Variants in PDE8B observed in about 807,000 individuals in gnomAD.
The protein encoded by PDE8B is phosphodiesterase 8B, also known as high affinity cAMP-specific and IBMX-insensitive 3',5'-cyclic phosphodiesterase 8B.
In PDE8B, 26 loss-of-function variants were observed where a neutral mutation model predicts 101.3. That is an observed-to-expected ratio of 0.26 (90% confidence interval 0.19 to 0.36). The LOEUF (loss-of-function observed/expected upper bound fraction) is 0.36. PDE8B is among the 10% of genes least tolerant of loss of function. PDE8B has a pLI of 1.00. For missense variants in PDE8B, 810 were observed against 1,163.1 expected (o/e 0.70, Z 4.42); for synonymous variants, 424 against 429.3 (o/e 0.99, Z 0.15).
At chr5:77,421,449 A>T (rs915173823) in intron 19 of PDE8B, among the ~76,000 whole-genome samples, 29 of 152,228 alleles carry the variant, frequency 1.9e-4, no homozygotes, top group Admixed American at 1.2e-3. Flanking sequence ...ACATTTTTTT[A>T]AAAAAACTGG....
the PDE8B span, chr5:77,141,790 C>A: frequency 6.6e-6 from 1 of 152,044 alleles, no homozygotes; most frequent in African/African-American, 2.4e-5. Context: ...ATTATGAAAC[C>A]TTAGAAACAA....
chr5:77,256,201 G>A (rs1759138454), intron 1 of PDE8B, among the ~76,000 whole-genome samples: 1 of 152,156 alleles, frequency 6.6e-6, no homozygotes, highest in Non-Finnish European at 1.5e-5. Flanking sequence ...CAAAGAAAAA[G>A]TCAACATTCT....
At chr5:77,165,716 A>G in the PDE8B span, among the ~76,000 whole-genome samples, 2 of 152,328 alleles carry the variant, frequency 1.3e-5, no homozygotes, top group East Asian at 1.9e-4. Context: ...TAAGAAAGAT[A>G]AGAACTTAGC....
At chr5:77,128,384 A>T in the PDE8B span, among the ~76,000 whole-genome samples, 1 of 152,214 alleles carries the variant, frequency 6.6e-6, no homozygotes. Context: ...GGGCTGGCTG[A>T]TGGGGACATG....
intron 1 of PDE8B, chr5:77,290,842 C>G (rs899923553): frequency 6.5e-7 from 1 of 1,541,592 alleles, no homozygotes; most frequent in African/African-American, 1.4e-5. Context: ...TGGAAAGGAG[C>G]TCCAACCACT....
chr5:77,109,100 A>T, the PDE8B span, among the ~76,000 whole-genome samples: 1 of 152,254 alleles, frequency 6.6e-6, no homozygotes, highest in South Asian at 2.1e-4. Context: ...AAAGGCACAG[A>T]TAAAACAGAC....
intron 8 of PDE8B, 113 bp downstream of exon 8, chr5:77,349,672 T>C: frequency 8.3e-7 from 1 of 1,201,520 alleles, no homozygotes; most frequent in Non-Finnish European, 1.2e-6. Flanking sequence ...CATAATTAAG[T>C]GAAAGATCTA....
intron 10 of PDE8B, among the ~76,000 whole-genome samples, chr5:77,360,501 G>A (rs1302599398): frequency 2.0e-5 from 3 of 152,162 alleles, no homozygotes; most frequent in Non-Finnish European, 4.4e-5. Context: ...CTTTTCAGAA[G>A]GAATTATTCA....
chr5:77,342,819 G>A (rs1157693735), intron 6 of PDE8B, among the ~76,000 whole-genome samples: 1 of 152,186 alleles, frequency 6.6e-6, no homozygotes, highest in Admixed American at 6.5e-5. Flanking sequence ...GAACCAGCAA[G>A]GGGAGTTCTG....
chr5:77,088,962 G>T, the PDE8B span, among the ~76,000 whole-genome samples: 1 of 152,112 alleles, frequency 6.6e-6, no homozygotes, highest in Non-Finnish European at 1.5e-5. Flanking sequence ...ATCCTTAAAA[G>T]AAGAACAAGA....
intron 1 of PDE8B, among the ~76,000 whole-genome samples, chr5:77,280,137 C>T (rs1454222063): frequency 6.6e-6 from 1 of 152,176 alleles, no homozygotes; most frequent in Non-Finnish European, 1.5e-5. Flanking sequence ...CACTTGAGAG[C>T]CGTACCTGGG....
At chr5:77,393,724 A>T (rs1307612355) in intron 10 of PDE8B, among the ~76,000 whole-genome samples, 1 of 152,174 alleles carries the variant, frequency 6.6e-6, no homozygotes, top group Non-Finnish European at 1.5e-5. Context: ...GAGACTAAGG[A>T]TTCCCCATTA....
the PDE8B span, among the ~76,000 whole-genome samples, chr5:77,134,115 G>C: frequency 3.3e-5 from 5 of 152,154 alleles, no homozygotes; most frequent in Non-Finnish European, 7.3e-5. Context: ...AATGACCATG[G>C]GATCCACTGG....
chr5:77,224,817 C>T (rs1751966640), intron 1 of PDE8B, among the ~76,000 whole-genome samples: 1 of 152,118 alleles, frequency 6.6e-6, no homozygotes, highest in Non-Finnish European at 1.5e-5. Context: ...GTTGAAGAAA[C>T]TGGGTCATTT....
the PDE8B span, among the ~76,000 whole-genome samples, chr5:77,134,120 C>T: frequency 6.6e-6 from 1 of 152,166 alleles, no homozygotes; most frequent in Non-Finnish European, 1.5e-5. Flanking sequence ...CCATGGGATC[C>T]ACTGGTCATA....
intron 6 of PDE8B, among the ~76,000 whole-genome samples, chr5:77,338,500 GC>G (rs1300314745): frequency 6.6e-6 from 1 of 152,134 alleles, no homozygotes; most frequent in Non-Finnish European, 1.5e-5. Context: ...ATTTTTAACA[GC>G]CCTTGGTAAG....
chr5:77,421,750 C>T, intron 19 of PDE8B, 71 bp from the exon 20 acceptor site: 1 of 1,450,106 alleles, frequency 6.9e-7, no homozygotes, highest in Non-Finnish European at 9.6e-7. Context: ...CCATCGAATG[C>T]CTGGCGAATT....
At chr5:77,277,357 A>T (rs1764059039) in intron 1 of PDE8B, among the ~76,000 whole-genome samples, 1 of 152,194 alleles carries the variant, frequency 6.6e-6, no homozygotes, top group Admixed American at 6.5e-5. Flanking sequence ...GAATGCAAAA[A>T]TTCAAATCAT....
chr5:77,348,912 G>A (rs1234879616), intron 7 of PDE8B, among the ~76,000 whole-genome samples: 2 of 152,086 alleles, frequency 1.3e-5, no homozygotes, highest in African/African-American at 4.8e-5. Context: ...GAACTCTTGG[G>A]CCCAACTGAT....
Sources: gnomAD v4.1 joint callset for allele counts (sites outside exome capture counted in the v4.1 genomes callset) on GRCh38, gnomAD v4.1.1 for gene constraint, MANE v1.5 for transcripts, NCBI Gene and HGNC (gene_info 2026-07-23, HGNC 2026-07-21) for gene names.